Variants in ARSA observed in about 807,000 individuals in gnomAD.
ARSA encodes the protein cerebroside-sulfatase.
In ARSA, 32 loss-of-function variants were observed where a neutral mutation model predicts 37.8. The ratio of observed to expected loss-of-function variants is 0.85; its 90% CI spans 0.64 to 1.14. ARSA has a LOEUF of 1.14. ARSA is among the 50% of genes most tolerant of loss of function. ARSA has a pLI of 0.00. For missense variants in ARSA, 685 were observed against 686.3 expected (o/e 1.00, Z 0.02); for synonymous variants, 303 against 303.4 (o/e 1.00, Z 0.01).
At position 50,627,070 on chromosome 22, in the gene ARSA, C is replaced by G. The variant is rs542689643; in HGVS notation, c.466-18G>C. Reference sequence around the variant, plus strand: ...CAGGGGCCCTGAGGCGGGCAGCTGCCGTGAGGGCTGGGCTGGCAGGTGGGG... The same window carrying G: ...CAGGGGCCCTGAGGCGGGCAGCTGCGGTGAGGGCTGGGCTGGCAGGTGGGG... On this transcript the variant is annotated intron_variant, in intron 2 of 7. Coordinates refer to ENST00000216124, the MANE Select transcript of ARSA (RefSeq NM_000487.6). 2 of 1,599,920 alleles carry G rather than the reference C, an allele frequency of 1.3e-6. No homozygotes were observed. Among genetic ancestry groups the G allele is most frequent in the South Asian group, 2.2e-5 (2 of 90,318 alleles).
rs370250328 is a variant in ARSA, at chr22:50,626,215, C to T, written c.918G>A (p.Thr306=). The T allele has an allele frequency of 8.7e-5, 140 of 1,613,102 alleles. No individual in the cohort carries two copies. The highest frequency in any genetic ancestry group is 1.6e-4 in the Middle Eastern group (1 of 6,084). ...GCTCTCGGACACCGCCCTCGTAGGT[C>T]GTTCCCTTTCCACACCGCAAGAGAC... is the stretch of plus-strand genomic sequence containing the variant. ...CSGLLRCGKG[T]TYEGGVREPA... The change falls in exon 5 of 8, where the codon ACG becomes ACA. Residue 306 remains threonine, a synonymous_variant. Coordinates refer to ENST00000216124, the MANE Select transcript of ARSA (RefSeq NM_000487.6).
rs2082640131 is a variant in ARSA at position 50,625,113 on chromosome 22, G to A, written c.*32C>T. On this transcript the variant is annotated 3_prime_UTR_variant, in exon 8 of 8. Transcript: ENST00000216124. Reference sequence around the variant, plus strand: ...CTCCCCCACAGGCTCCCAGTGAGGAGCCATCACATGCCCAGGCCAGCCGAG... The same window carrying A: ...CTCCCCCACAGGCTCCCAGTGAGGAACCATCACATGCCCAGGCCAGCCGAG... 1.0e-5 allele frequency: 15 copies of A among 1,504,894 alleles called. No individual in the cohort carries two copies. Among genetic ancestry groups the A allele is most frequent in the South Asian group, 1.3e-5 (1 of 79,140 alleles). The allele number at this position is 1,504,894 out of a possible 1,614,324, so 93.2% of individuals were successfully genotyped here.
rs777431148 is a variant in ARSA at position 50,627,293 on chromosome 22, A to G, written c.338T>C (p.Leu113Pro). 3.1e-6 allele frequency: 5 copies of G among 1,589,840 alleles called. No individual in the cohort carries two copies. The South Asian group carries it at 5.6e-5, about 18-fold the overall frequency. Residue 113 changes from leucine to proline, a missense_variant, in exon 2 of 8, where the codon CTG becomes CCG. Leu to Pro is a moderately conservative substitution (Grantham distance 98, BLOSUM62 -3). Transcript: ENST00000216124. ...TCCTGTGAGGTAGCCTCGGGCAGCCAGGACTTCGGCCACGGTCACCTCCTC... is the reference window on the plus strand; with the variant it reads ...TCCTGTGAGGTAGCCTCGGGCAGCCGGGACTTCGGCCACGGTCACCTCCTC... ...PLEEVTVAEVLAARGYLTGMA... is the reference protein window; with the variant it reads ...PLEEVTVAEVPAARGYLTGMA...
In ARSA at chr22:50,627,290, G is replaced by T; in HGVS notation, c.341C>A (p.Ala114Asp). Residue 114 changes from alanine (A) to aspartate (D), a missense_variant, in exon 2 of 8, where the codon GCT (alanine) becomes GAT (aspartate). Coordinates refer to ENST00000216124, the MANE Select transcript of ARSA (RefSeq NM_000487.6). ...LEEVTVAEVL[A>D]ARGYLTGMAG... is the part of the protein sequence containing the mutation. Reference sequence around the variant, plus strand: ...CATTCCTGTGAGGTAGCCTCGGGCAGCCAGGACTTCGGCCACGGTCACCTC... The same window carrying T: ...CATTCCTGTGAGGTAGCCTCGGGCATCCAGGACTTCGGCCACGGTCACCTC... The T allele has an allele frequency of 6.3e-7, 1 of 1,591,268 alleles. No homozygotes were observed. The highest frequency in any genetic ancestry group is 8.5e-7 in the Non-Finnish European group (1 of 1,169,802).
chr22:50,625,387 G>T lies in ARSA; in HGVS notation c.1288C>A (p.Leu430Ile). The T allele has an allele frequency of 6.2e-7, 1 of 1,601,362 alleles. No individual in the cohort carries two copies. Among genetic ancestry groups the T allele is most frequent in the South Asian group, 1.1e-5 (1 of 90,304 alleles). ...CCAGGGTCCTTGGACAGGTCATAGA[G>T]CAGCGGGGGCTCATGAGCAGTCAGA... ...SSLTAHEPPL[L>I]YDLSKDPGEN... The change falls in exon 8 of 8, where the codon CTC (leucine) becomes ATC (isoleucine). Residue 430 changes from leucine to isoleucine, a missense_variant. Leu to Ile is a conservative substitution (Grantham distance 5). Transcript: ENST00000216124.
rs1327605883 is a variant in ARSA, at chr22:50,627,842, A to G, written c.-63T>C. On this transcript the variant is annotated 5_prime_UTR_variant, in exon 1 of 8. Coordinates refer to ENST00000216124, the MANE Select transcript of ARSA (RefSeq NM_000487.6). ...TTGGCTCCAGCAGGCTCTTTCCGAT[A>G]CCGCAGACCCAGGCGCCGCCCTTCC... 2.1e-6 allele frequency: 3 copies of G among 1,457,076 alleles called. No individual in the cohort carries two copies. The highest frequency in any genetic ancestry group is 4.1e-5 in the Admixed American group (2 of 48,892). The allele number at this position is 1,457,076 out of a possible 1,614,324, so 90.3% of individuals were successfully genotyped here. A position where few individuals can be genotyped will look rare whatever the true frequency, so the allele number is the denominator to read the frequency against.
At chr22:50,627,507 G>A (rs781439044) in intron 1 of ARSA, 49 bp downstream of exon 1, 3 of 1,577,652 alleles carry the variant, frequency 1.9e-6, no homozygotes, top group Non-Finnish European at 2.6e-6. Context: ...CCATTGGGAG[G>A]AAAGGGATGG....
intron 2 of ARSA, 50 bp downstream of exon 2, chr22:50,627,116 G>C (rs2082685344): frequency 1.3e-6 from 2 of 1,596,020 alleles, no homozygotes; most frequent in Non-Finnish European, 1.7e-6. Context: ...ATCAAGGGCT[G>C]GGGGACTTTG....
rs1210599592 is a variant in ARSA, at chr22:50,623,872, C to T, written c.*1273G>A. On this transcript the variant is annotated 3_prime_UTR_variant, in exon 8 of 8. Transcript: ENST00000216124. ...GGAGATGGTACCACTGCACTCTAGC[C>T]TGGGCGACAGAGCGAGACTCCGTCT... 8.3e-6 allele frequency: 1 copy of T among 120,800 alleles called. No individual in the cohort carries two copies. Among genetic ancestry groups the T allele is most frequent in the African/African-American group, 3.2e-5 (1 of 31,678 alleles). The allele number at this position is 120,800 out of a possible 1,614,324, so 7.5% of individuals were successfully genotyped here.
rs74315475 is a variant in ARSA at position 50,626,033 on chromosome 22, T to A, written c.1010A>T (p.Asp337Val). ...GVTHELASSL[D>V]LLPTLAALAG... is the part of the protein sequence containing the mutation. ...CAGGGCTGCCAGGGTAGGCAGCAGG[T>A]CCAGGGAGCTGGCCAGCTCGTGGGT... The change falls in exon 6 of 8, where the codon GAC (aspartate) becomes GTC (valine). Residue 337 changes from aspartate (D) to valine (V), a missense_variant. By Grantham distance (152) the Asp-to-Val change is radical. Coordinates refer to ENST00000216124, the MANE Select transcript of ARSA (RefSeq NM_000487.6). 7.5e-5 allele frequency: 119 copies of A among 1,587,406 alleles called. No homozygotes were observed. The highest frequency in any genetic ancestry group is 9.5e-5 in the Non-Finnish European group (111 of 1,169,064).
Position 50,625,182 on chromosome 22 carries a change from C to T in ARSA, c.1493G>A (p.Arg498His), listed in dbSNP as rs6151428. 61,811 of 1,594,468 alleles carry T rather than the reference C, an allele frequency of 0.039. 1,572 individuals carry two copies. Among genetic ancestry groups the T allele is most frequent in the African/African-American group, 0.1 (7,670 of 74,754 alleles). Residue 498 changes from arginine (R) to histidine (H), a missense_variant, in exon 8 of 8, where the codon CGC (arginine) becomes CAC (histidine). Transcript: ENST00000216124. ...ATCTGGGCAATGGCAGCAAGCTGGG[C>T]GGGGGGTGCAGCCAGGATGACAGCA... is the stretch of plus-strand genomic sequence containing the variant. ...QICCHPGCTP[R>H]PACCHCPDPH...
In ARSA at chr22:50,625,417, T is replaced by C; in HGVS notation, c.1258A>G (p.Ser420Gly). Residue 420 changes from serine to glycine, a missense_variant, in exon 8 of 8, where the codon AGC becomes GGC. Transcript: ENST00000216124. ...GGGGGCTCATGAGCAGTCAGAGAGC[T>C]GGAGGCGTGGCAGGCAGGGTCTGCA... The part of the protein sequence containing the change: ...TTADPACHAS[S>G]SLTAHEPPLL... 6.3e-7 allele frequency: 1 copy of C among 1,596,328 alleles called. No homozygotes were observed. The highest frequency in any genetic ancestry group is 8.6e-7 in the Non-Finnish European group (1 of 1,168,876).
intron 4 of ARSA, 30 bp downstream of exon 4, chr22:50,626,561 C>A: frequency 6.2e-7 from 1 of 1,609,406 alleles, no homozygotes; most frequent in Non-Finnish European, 8.5e-7. Flanking sequence ...CGTGACAGGG[C>A]CGGAGCACCC....
Position 50,627,934 on chromosome 22 carries a change from G to T in ARSA, c.-155C>A. The T allele has an allele frequency of 2.8e-6, 2 of 726,600 alleles. No homozygotes were observed. Among genetic ancestry groups the T allele is most frequent in the Non-Finnish European group, 4.5e-6 (2 of 449,408 alleles). 45.0% of individuals were successfully genotyped at this position (726,600 alleles called of 1,614,324 possible). A position where few individuals can be genotyped will look rare whatever the true frequency, so the allele number is the denominator to read the frequency against. On this transcript the variant is annotated 5_prime_UTR_variant, in exon 1 of 8. Transcript: ENST00000216124. ...CCTCCTGAAGCTCCAGAGGGCCGGG[G>T]CCCGACAGTACCGGGAGACCGCGGG... is the stretch of plus-strand genomic sequence containing the variant.
At chr22:50,625,548 T>A in intron 7 of ARSA, 31 bp downstream of exon 7, 2 of 1,579,206 alleles carry the variant, frequency 1.3e-6, no homozygotes, top group Non-Finnish European at 1.7e-6. Context: ...GGTCAGCAGG[T>A]CGGGGGGAGG....
rs1366317653 is a variant in ARSA, at chr22:50,626,295, G to A, written c.855-17C>T. 4 of 1,608,910 alleles carry A rather than the reference G, an allele frequency of 2.5e-6. No homozygotes were observed. The highest frequency in any genetic ancestry group is 1.3e-5 in the African/African-American group (1 of 74,930). On this transcript the variant is annotated splice_polypyrimidine_tract_variant and intron_variant, in intron 4 of 7. Transcript: ENST00000216124. ...GTCTCAGGTCTGGGACACAGGAGGC[G>A]CTCATGAGCCATGGAGCCACAGCCT...
chr22:50,627,246 CAAGGTGCCACT>C lies in ARSA; in HGVS notation c.374_384del (p.Lys125ArgfsTer5). ...AGGAAGGCCCCCTCAGGCCCCACCC[CAAGGTGCCACT>C]TGCCGGCCATTCCTGTGAGGTAGCC... On this transcript the variant is annotated frameshift_variant, in exon 2 of 8. Transcript: ENST00000216124. LOFTEE classifies it high-confidence loss of function. The C allele has an allele frequency of 6.2e-7, 1 of 1,606,234 alleles. No individual in the cohort carries two copies. The highest frequency in any genetic ancestry group is 8.5e-7 in the Non-Finnish European group (1 of 1,176,930).
rs1603444930 is a variant in ARSA at position 50,626,229 on chromosome 22, A to G, written c.904T>C (p.Cys302Arg). Residue 302 changes from cysteine (C) to arginine (R), a missense_variant, in exon 5 of 8, where the codon TGT becomes CGT. Cys to Arg is a radical substitution (Grantham distance 180). Transcript: ENST00000216124. ...CCCTCGTAGGTCGTTCCCTTTCCAC[A>G]CCGCAAGAGACCGGAGCAGCCGCCT... is the stretch of plus-strand genomic sequence containing the variant. ...SRGGCSGLLR[C>R]GKGTTYEGGV... 1 of 1,613,388 alleles carries G rather than the reference A, an allele frequency of 6.2e-7. No homozygotes were observed. Among genetic ancestry groups the G allele is most frequent in the South Asian group, 1.1e-5 (1 of 90,988 alleles).
intron 6 of ARSA, 46 bp downstream of exon 6, chr22:50,625,890 C>T: frequency 6.4e-7 from 1 of 1,560,874 alleles, no homozygotes; most frequent in Non-Finnish European, 8.7e-7. Flanking sequence ...CAGGGGAAGG[C>T]CAGGACAGGG....
Sources: allele counts gnomAD v4.1 joint callset, GRCh38; gene constraint gnomAD v4.1.1; transcripts MANE v1.5; gene names NCBI Gene and HGNC (gene_info 2026-07-23, HGNC 2026-07-21).